Variants in GBE1 observed in about 807,000 individuals in gnomAD.
GBE1 encodes the protein 1,4-alpha-glucan-branching enzyme.
GBE1 carries 70 observed loss-of-function variants against 88.8 expected under a neutral mutation model. That is an observed-to-expected ratio of 0.79 (90% CI 0.65 to 0.96). The LOEUF (loss-of-function observed/expected upper bound fraction) is 0.96. Among genes scored for constraint, GBE1 ranks in the 40% least tolerant of loss-of-function variants. The probability of loss-of-function intolerance (pLI) is 0.00; values close to 1 mark genes in which losing one functional copy is unlikely to be tolerated. For synonymous variants in GBE1, 284 were observed against 300.1 expected (o/e 0.95, Z 0.56); for missense variants, 872 against 871.0 (o/e 1.00, Z -0.01).
At position 81,494,173 on chromosome 3, in the gene GBE1, T is replaced by C. The variant is rs561929138; in HGVS notation, c.2053-3710A>G. ...TGTGGTATAGGCAACATGGAAGAAT[T>C]TCCCTAAGCCAGTGATTTTTCTTAA... On this transcript the variant is annotated intron_variant, in intron 15 of 15. Coordinates refer to ENST00000429644, the MANE Select transcript of GBE1 (RefSeq NM_000158.4). 2.6e-5 allele frequency among the ~76,000 whole-genome samples: 4 copies of C among 152,330 alleles called. No homozygotes were observed. The South Asian group carries it at 8.3e-4, about 32-fold the overall frequency.
intron 14 of GBE1, among the ~76,000 whole-genome samples, chr3:81,519,000 T>A (rs1702835934): frequency 6.6e-6 from 1 of 151,628 alleles, no homozygotes; most frequent in Non-Finnish European, 1.5e-5. Context: ...TTTACATATA[T>A]AATCTGGATA....
rs200746350 is a variant in GBE1 at position 81,705,479 on chromosome 3, G to A, written c.278C>T (p.Pro93Leu). 326 of 1,598,090 alleles carry A rather than the reference G, an allele frequency of 2.0e-4. No homozygotes were observed. The Middle Eastern group carries it at 3.2e-3, about 15-fold the overall frequency. Residue 93 changes from proline (P) to leucine (L), a missense_variant, in exon 2 of 16, where the codon CCG (proline) becomes CTG (leucine). Transcript: ENST00000429644. Reference protein sequence around the residue: ...DGGLYCKEWAPGAEGVFLTGD... With the variant: ...DGGLYCKEWALGAEGVFLTGD... ...AGTAAGAAAAACTCCTTCTGCTCCC[G>A]GGGCCCATTCTTTGCAGTATAAACC...
In GBE1 at chr3:81,670,971, A is replaced by G. The variant is rs1436707335; in HGVS notation, c.314-18T>C. 7.7e-7 allele frequency: 1 copy of G among 1,296,672 alleles called. No individual in the cohort carries two copies. Among genetic ancestry groups the G allele is most frequent in the East Asian group, 2.5e-5 (1 of 40,310 alleles). 80.3% of individuals were successfully genotyped at this position (1,296,672 alleles called of 1,614,324 possible). A position where few individuals can be genotyped will look rare whatever the true frequency, so the allele number is the denominator to read the frequency against. ...CCAACCATCTAAAAAAATGAAGAAG[A>G]TCAGTTAACAACAGCATGATAGGAC... On this transcript the variant is annotated intron_variant, in intron 2 of 15. Coordinates refer to ENST00000429644, the MANE Select transcript of GBE1 (RefSeq NM_000158.4).
intron 7 of GBE1, among the ~76,000 whole-genome samples, chr3:81,629,232 T>C (rs1332377910): frequency 7.8e-6 from 1 of 128,148 alleles, no homozygotes; most frequent in African/African-American, 3.0e-5. Flanking sequence ...CCTGTGTCCA[T>C]GTGATCTCAT....
chr3:81,574,770 A>T (rs1007338519), intron 12 of GBE1, among the ~76,000 whole-genome samples: 1 of 152,202 alleles, frequency 6.6e-6, no homozygotes, highest in Non-Finnish European at 1.5e-5. Context: ...TATTATTCTT[A>T]TAACTTTTGG....
chr3:81,691,220 TG>T (rs1454346481), intron 2 of GBE1, among the ~76,000 whole-genome samples: 4 of 152,322 alleles, frequency 2.6e-5, no homozygotes, highest in African/African-American at 9.6e-5. Context: ...TCTATAATGT[TG>T]CAATTTCCTT....
chr3:81,606,617 G>C (rs1171888385), intron 7 of GBE1, among the ~76,000 whole-genome samples: 1 of 152,168 alleles, frequency 6.6e-6, no homozygotes, highest in Admixed American at 6.5e-5. Flanking sequence ...GCACAGACAA[G>C]CTCATTTCAG....
In GBE1 at chr3:81,722,950, A is replaced by G. The variant is rs1706056148; in HGVS notation, c.144-17337T>C. Among the ~76,000 whole-genome samples the G allele has an allele frequency of 3.3e-5, 5 of 150,010 alleles. No individual in the cohort carries two copies. In the South Asian group the frequency reaches 8.3e-4, roughly 25 times the overall value. On this transcript the variant is annotated intron_variant, in intron 1 of 15. Coordinates refer to ENST00000429644, the MANE Select transcript of GBE1 (RefSeq NM_000158.4). ...TAAATATATATGTACTTATATACAC[A>G]TATATAATCTCATACTTGCATACAT...
At chr3:81,502,389 T>A (rs2106815241) in intron 14 of GBE1, among the ~76,000 whole-genome samples, 1 of 152,300 alleles carries the variant, frequency 6.6e-6, no homozygotes, top group East Asian at 1.9e-4. Flanking sequence ...AAAACATCAA[T>A]TTAGACATGT....
intron 14 of GBE1, among the ~76,000 whole-genome samples, chr3:81,502,597 CAT>C (rs1380215162): frequency 6.6e-6 from 1 of 152,148 alleles, no homozygotes; most frequent in African/African-American, 2.4e-5. Context: ...GAATTGCTAT[CAT>C]ATATTATTCA....
intron 14 of GBE1, among the ~76,000 whole-genome samples, chr3:81,520,952 A>T (rs1277737450): frequency 6.6e-6 from 1 of 151,574 alleles, no homozygotes; most frequent in Non-Finnish European, 1.5e-5. Flanking sequence ...TCAAAGCTTT[A>T]TTGATACAAA....
chr3:81,501,872 T>C (rs1287823154), intron 14 of GBE1, among the ~76,000 whole-genome samples: 2 of 151,516 alleles, frequency 1.3e-5, no homozygotes, highest in African/African-American at 4.8e-5. Flanking sequence ...CTGATTTTTA[T>C]ATTTTTCGTA....
chr3:81,494,213 G>A (rs1187322043), intron 15 of GBE1, among the ~76,000 whole-genome samples: 1 of 152,064 alleles, frequency 6.6e-6, no homozygotes, highest in Non-Finnish European at 1.5e-5. Flanking sequence ...GGCTATTTAT[G>A]GAATTTTGAG....
chr3:81,657,495 A>G (rs1316281019), intron 3 of GBE1, among the ~76,000 whole-genome samples: 1 of 152,136 alleles, frequency 6.6e-6, no homozygotes, highest in Non-Finnish European at 1.5e-5. Context: ...TTGAGTTTAT[A>G]TTTCTATTAA....
chr3:81,567,104 C>T (rs974127128), intron 12 of GBE1, among the ~76,000 whole-genome samples: 18 of 152,160 alleles, frequency 1.2e-4, no homozygotes, highest in East Asian at 3.9e-4. Flanking sequence ...CTGGCTCTCA[C>T]GCTCATCATC....
intron 7 of GBE1, among the ~76,000 whole-genome samples, chr3:81,632,450 A>G (rs1704528278): frequency 6.6e-6 from 1 of 151,976 alleles, no homozygotes. Context: ...AACAAAGATG[A>G]AAAAAAAGCT....
intron 3 of GBE1, among the ~76,000 whole-genome samples, chr3:81,668,881 T>C (rs965879610): frequency 6.6e-6 from 1 of 152,216 alleles, no homozygotes; most frequent in Non-Finnish European, 1.5e-5. Context: ...GTGGACTGTG[T>C]CCTAGCTCTT....
intron 15 of GBE1, among the ~76,000 whole-genome samples, chr3:81,492,609 C>T (rs1208880703): frequency 6.6e-6 from 1 of 151,962 alleles, no homozygotes; most frequent in African/African-American, 2.4e-5. Context: ...CTACATCTTT[C>T]TTTCTTTCTT....
chr3:81,689,871 G>A (rs140867152), intron 2 of GBE1, among the ~76,000 whole-genome samples: 1,574 of 152,246 alleles, frequency 0.01, 22 homozygotes, highest in Non-Finnish European at 0.013. Context: ...TGGAACCAGG[G>A]ATTCAATTCA....
Sources: gnomAD v4.1 joint callset for allele counts (sites outside exome capture counted in the v4.1 genomes callset) on GRCh38, gnomAD v4.1.1 for gene constraint, MANE v1.5 for transcripts, NCBI Gene and HGNC (gene_info 2026-07-23, HGNC 2026-07-21) for gene names.